Variants in BDH1 observed in about 807,000 individuals in gnomAD.
BDH1 encodes the protein 3-hydroxybutyrate dehydrogenase 1.
BDH1 carries 30 observed loss-of-function variants against 33.1 expected under a neutral mutation model. That is an observed-to-expected ratio of 0.91 (90% CI 0.68 to 1.23). The LOEUF is 1.23. Among genes scored for constraint, BDH1 ranks in the 50% most tolerant of loss-of-function variants. The pLI, the probability that BDH1 is intolerant of heterozygous loss-of-function variation, is 0.00. For missense variants in BDH1, 443 were observed against 464.4 expected, an observed-to-expected ratio of 0.95 and a Z score of 0.42; for synonymous variants, 190 against 183.6, an observed-to-expected ratio of 1.03 and a Z score of -0.28.
intron 2 of BDH1, among the ~76,000 whole-genome samples, chr3:197,552,240 A>G (rs1716637964): frequency 6.6e-5 from 10 of 151,718 alleles, no homozygotes; most frequent in Admixed American, 6.6e-4. Context: ...TATCAATGCC[A>G]CCTTCACATA....
rs1712475712 is a variant in BDH1, at chr3:197,514,488, C to T, written c.410-72G>A. On this transcript the variant is annotated intron_variant, in intron 6 of 7. Transcript: ENST00000392379. This position sits in a 1 kb window ranked among gnomAD's most constrained non-coding sequence, Gnocchi z 4.2. ...CAGACATTGCCCATCAGCCTGCAGGCCAGCCTCCTCTCTGCTTCTTTCCTG... is the reference window on the plus strand; with the variant it reads ...CAGACATTGCCCATCAGCCTGCAGGTCAGCCTCCTCTCTGCTTCTTTCCTG... 1 of 1,456,604 alleles carries T rather than the reference C, an allele frequency of 6.9e-7. No individual in the cohort carries two copies. The highest frequency in any genetic ancestry group is 2.5e-5 in the East Asian group (1 of 40,494). 90.2% of individuals were successfully genotyped at this position (1,456,604 alleles called of 1,614,324 possible).
At chr3:197,513,149 C>T (rs1205565542) in intron 7 of BDH1, among the ~76,000 whole-genome samples, 17 of 152,350 alleles carry the variant, frequency 1.1e-4, no homozygotes, top group Admixed American at 7.8e-4. Flanking sequence ...TGGTGATCCC[C>T]CTCCAAAGGC....
chr3:197,538,540 C>CG (rs1715342284), intron 3 of BDH1: 1 of 363,918 alleles, frequency 2.7e-6, no homozygotes, highest in Non-Finnish European at 5.4e-6. Flanking sequence ...TTAGTAGAGA[C>CG]GGGGGTTCAC....
At position 197,531,607 on chromosome 3, in the gene BDH1, T is replaced by C. The variant is rs192097088; in HGVS notation, c.267+805A>G. On this transcript the variant is annotated intron_variant, in intron 5 of 7. Transcript: ENST00000392379. ...GTGGCACAAAAGGCCATGTATTGTA[T>C]GATTTCATGTAGATGAAAAGTCCAG... is the stretch of plus-strand genomic sequence containing the variant. Among the ~76,000 whole-genome samples the C allele has an allele frequency of 2.5e-3, 385 of 152,226 alleles. 3 individuals are homozygous for C. The highest frequency in any genetic ancestry group is 1.5e-3 in the East Asian group (8 of 5,180).
At chr3:197,544,958 G>T (rs1715952767) in intron 3 of BDH1, among the ~76,000 whole-genome samples, 1 of 152,232 alleles carries the variant, frequency 6.6e-6, no homozygotes, top group Admixed American at 6.5e-5. Context: ...TGAGGCGGGA[G>T]AATTGCTTGA....
intron 2 of BDH1, among the ~76,000 whole-genome samples, chr3:197,553,113 T>G (rs1037836278): frequency 1.3e-5 from 2 of 151,842 alleles, no homozygotes; most frequent in Non-Finnish European, 2.9e-5. Flanking sequence ...AGACGGAGTT[T>G]CACCATGTTG....
intron 3 of BDH1, chr3:197,538,230 C>T (rs903309622): frequency 2.2e-6 from 1 of 455,890 alleles, no homozygotes; most frequent in African/African-American, 2.0e-5. Flanking sequence ...GATATTAACC[C>T]AGTAATGACA....
At chr3:197,561,441 G>A (rs1717257419) in intron 1 of BDH1, among the ~76,000 whole-genome samples, 1 of 152,134 alleles carries the variant, frequency 6.6e-6, no homozygotes, top group African/African-American at 2.4e-5. Flanking sequence ...GGGAGCTTGA[G>A]CTCACTCCCA....
At chr3:197,529,573 C>T (rs761309768) in intron 5 of BDH1, 67 of 152,260 alleles carry the variant, frequency 4.4e-4, no homozygotes, top group Non-Finnish European at 8.7e-4. Context: ...ATTTAAGCTG[C>T]CTTGGAGCAA....
At chr3:197,513,214 G>A (rs964575002) in intron 7 of BDH1, among the ~76,000 whole-genome samples, 1 of 152,234 alleles carries the variant, frequency 6.6e-6, no homozygotes, top group African/African-American at 2.4e-5. Context: ...CTGGCCCTGG[G>A]AACAGAGGGG....
At chr3:197,518,644 C>G (rs1479580840) in intron 6 of BDH1, among the ~76,000 whole-genome samples, 3 of 8,868 alleles carry the variant, frequency 3.4e-4, no homozygotes, top group East Asian at 9.8e-3. Flanking sequence ...CGACCCCCCC[C>G]ATCAGTCACT....
At chr3:197,515,796 C>T (rs1188791190) in intron 6 of BDH1, 1 of 901,850 alleles carries the variant, frequency 1.1e-6, no homozygotes, top group South Asian at 5.1e-5. Flanking sequence ...CCCAGCTACT[C>T]GGGAGGCTGA....
intron 3 of BDH1, among the ~76,000 whole-genome samples, chr3:197,545,299 T>G (rs1250248408): frequency 6.6e-6 from 1 of 152,226 alleles, no homozygotes; most frequent in African/African-American, 2.4e-5. Flanking sequence ...TAATTTGTAC[T>G]TATATAATGC....
At chr3:197,566,564 A>G (rs1717440536) in intron 1 of BDH1, among the ~76,000 whole-genome samples, 1 of 151,240 alleles carries the variant, frequency 6.6e-6, no homozygotes, top group Non-Finnish European at 1.5e-5. Context: ...TTAAAAGCCT[A>G]TGTAAAAAAA....
At position 197,532,405 on chromosome 3, in the gene BDH1, C is replaced by G; in HGVS notation, c.267+7G>C. 6.2e-7 allele frequency: 1 copy of G among 1,609,452 alleles called. No homozygotes were observed. Among genetic ancestry groups the G allele is most frequent in the Non-Finnish European group, 8.5e-7 (1 of 1,175,726 alleles). On this transcript the variant is annotated splice_region_variant and intron_variant, in intron 5 of 7. Coordinates refer to ENST00000392379, the MANE Select transcript of BDH1 (RefSeq NM_203314.3). ...GACAATGGTGAAGAAGATAACTCGT[C>G]TCTTACCTTCATCAAGCAGCCAGCA... is the stretch of plus-strand genomic sequence containing the variant.
intron 3 of BDH1, chr3:197,543,269 AC>A: frequency 1.3e-6 from 1 of 754,912 alleles, no homozygotes; most frequent in Non-Finnish European, 1.6e-6. Context: ...AGCCTGTTTG[AC>A]CATGAATCCC....
intron 3 of BDH1, among the ~76,000 whole-genome samples, chr3:197,541,823 C>A (rs1185909989): frequency 6.6e-6 from 1 of 152,172 alleles, no homozygotes; most frequent in Non-Finnish European, 1.5e-5. Flanking sequence ...AAAGACCTAT[C>A]CCCAGGGGGT....
At chr3:197,550,741 G>C (rs1000773080) in intron 2 of BDH1, among the ~76,000 whole-genome samples, 1 of 152,084 alleles carries the variant, frequency 6.6e-6, no homozygotes, top group Non-Finnish European at 1.5e-5. Flanking sequence ...AAGCAGCAGG[G>C]GTGGAGGTGG....
chr3:197,540,342 C>T (rs1173615474), intron 3 of BDH1, among the ~76,000 whole-genome samples: 2 of 150,254 alleles, frequency 1.3e-5, no homozygotes, highest in East Asian at 4.1e-4. Flanking sequence ...GTGTGAACCA[C>T]CATGCCCAGC....
Sources: gnomAD v4.1 joint callset for allele counts (sites outside exome capture counted in the v4.1 genomes callset) on GRCh38, gnomAD v4.1.1 for gene constraint, Gnocchi (gnomAD v3.1) non-coding constraint, MANE v1.5 for transcripts, NCBI Gene and HGNC (gene_info 2026-07-23, HGNC 2026-07-21) for gene names.